Variants in ZNF888 observed in about 807,000 individuals in gnomAD.
ZNF888 encodes the protein CTD-2331H12.6.
A neutral mutation model predicts 7.2 loss-of-function variants in ZNF888; 5 were observed. The observed-to-expected ratio is 0.70, with a 90% CI of 0.36 to 1.46. The LOEUF (loss-of-function observed/expected upper bound fraction) is 1.46, where lower values mean the gene tolerates loss of function less well. ZNF888 is among the 40% of genes most tolerant of loss of function. The probability of loss-of-function intolerance (pLI) is 0.03; values close to 1 mark genes in which losing one functional copy is unlikely to be tolerated. For missense variants in ZNF888, 716 were observed against 858.0 expected, an observed-to-expected ratio of 0.83 and a Z score of 2.07; for synonymous variants, 240 against 284.3, an observed-to-expected ratio of 0.84 and a Z score of 1.57.
rs2064600713 is a variant in ZNF888 at position 52,905,802 on chromosome 19, G to A, written c.*363C>T. ...TGATATTCTGCAAGGAGTGATCTCA[G>A]ACTGAAGACCTTGCCACACTGATGA... On this transcript the variant is annotated 3_prime_UTR_variant, in exon 5 of 5. Coordinates refer to ENST00000638862, the MANE Select transcript of ZNF888 (RefSeq NM_001393938.1). The A allele has an allele frequency of 1.5e-6, 1 of 664,820 alleles. No individual in the cohort carries two copies. The highest frequency in any genetic ancestry group is 2.8e-6 in the Non-Finnish European group (1 of 352,708). The allele number at this position is 664,820 out of a possible 1,614,324, so 41.2% of individuals were successfully genotyped here.
rs1368675473 is a variant in ZNF888 at position 52,918,966 on chromosome 19, C to G, written c.-177-29G>C. On this transcript the variant is annotated intron_variant, in intron 1 of 4. Transcript: ENST00000638862. Reference sequence around the variant, plus strand: ...TTTGAAAAAAAAAAAAAATCTCCCTCTCCCTCCCCCTCCCTCTCCCTCTCC... The same window carrying G: ...TTTGAAAAAAAAAAAAAATCTCCCTGTCCCTCCCCCTCCCTCTCCCTCTCC... 2 of 1,910 alleles carry G rather than the reference C, an allele frequency of 1.0e-3. 1 individual carries two copies. 0.1% of individuals were successfully genotyped at this position (1,910 alleles called of 1,614,324 possible).
intron 4 of ZNF888, among the ~76,000 whole-genome samples, chr19:52,914,760 G>A (rs758312098): frequency 2.6e-5 from 4 of 152,036 alleles, no homozygotes; most frequent in Non-Finnish European, 2.9e-5. Context: ...TTCACCTCCC[G>A]GGTTTGAGTG....
Position 52,907,423 on chromosome 19 carries a change from C to T in ZNF888, c.899G>A (p.Cys300Tyr), listed in dbSNP as rs2064623782. 1 of 1,612,070 alleles carries T rather than the reference C, an allele frequency of 6.2e-7. No individual in the cohort carries two copies. Among genetic ancestry groups the T allele is most frequent in the Admixed American group, 1.7e-5 (1 of 59,842 alleles). ...ACTGAACGTCTTGCCACACTCATTA[C>T]ACTTGTAAGGTTTTTCTCCAGTATG... Reference protein sequence around the residue: ...RRHTGEKPYKCNECGKTFSDK... With the variant: ...RRHTGEKPYKYNECGKTFSDK... The change falls in exon 5 of 5, where the codon TGT becomes TAT. Residue 300 changes from cysteine (C) to tyrosine (Y), a missense_variant. Transcript: ENST00000638862.
Position 52,917,848 on chromosome 19 carries a change from T to C in ZNF888, c.15+11A>G. 6.2e-7 allele frequency: 1 copy of C among 1,613,578 alleles called. No homozygotes were observed. The highest frequency in any genetic ancestry group is 1.1e-5 in the South Asian group (1 of 91,080). On this transcript the variant is annotated intron_variant, in intron 3 of 4. Coordinates refer to ENST00000638862, the MANE Select transcript of ZNF888 (RefSeq NM_001393938.1). ...AGGAGACAGAACAATCCACAGAGAA[T>C]ATCATCTCACCTGAGGAAGAGCCAT...
At chr19:52,915,119 G>T (rs2064728521) in intron 4 of ZNF888, 77 bp downstream of exon 4, 1 of 1,536,236 alleles carries the variant, frequency 6.5e-7, no homozygotes, top group East Asian at 2.4e-5. Flanking sequence ...GTCAAGCAAG[G>T]ATGCAACTCC....
In ZNF888 at chr19:52,906,715, G is replaced by A. The variant is rs2064612852; in HGVS notation, c.1607C>T (p.Ser536Phe). The change falls in exon 5 of 5, where the codon TCT (serine) becomes TTT (phenylalanine). Residue 536 changes from serine to phenylalanine, a missense_variant. Ser to Phe is a radical substitution (Grantham distance 155). Around this residue, in one of 2 missense-constraint regions of ZNF888, gnomAD observed 697 missense variants for 803.4 expected, o/e 0.87. Transcript: ENST00000638862. ...ECGKTFVQNS[S>F]LVMHKVIHTG... Reference sequence around the variant, plus strand: ...ATGAATGACCTTATGCATTACAAGAGATGAATTTTGAACGAAGGTCTTGCC... The same window carrying A: ...ATGAATGACCTTATGCATTACAAGAAATGAATTTTGAACGAAGGTCTTGCC... 2 of 1,607,292 alleles carry A rather than the reference G, an allele frequency of 1.2e-6. No homozygotes were observed. The highest frequency in any genetic ancestry group is 1.7e-6 in the Non-Finnish European group (2 of 1,175,504).
Position 52,906,390 on chromosome 19 carries a change from C to A in ZNF888, c.1932G>T (p.Gly644=). ...GATGTTGTGCAAGGTATGAATCACGCCCAAAAGCCTTGTCGCAAACCCTAC... is the reference window on the plus strand; with the variant it reads ...GATGTTGTGCAAGGTATGAATCACGACCAAAAGCCTTGTCGCAAACCCTAC... ...YKCRVCDKAF[G]RDSYLAQHQR... Residue 644 remains glycine, a synonymous_variant, in exon 5 of 5, where the codon GGG becomes GGT. Coordinates refer to ENST00000638862, the MANE Select transcript of ZNF888 (RefSeq NM_001393938.1). The A allele has an allele frequency of 3.1e-6, 5 of 1,612,360 alleles. No homozygotes were observed. Among genetic ancestry groups the A allele is most frequent in the Non-Finnish European group, 4.2e-6 (5 of 1,179,252 alleles).
chr19:52,906,256 G>C lies in ZNF888; in HGVS notation c.2066C>G (p.Pro689Arg), dbSNP rs1253240356. ...QHTRIHTGEK[P>R]FKCSECGKAF... The stretch of plus-strand genomic sequence containing the variant: ...TTTGCCACACTCACTACACTTGAAA[G>C]GTTTCTCTCCAGTATGAATTCTAGT... Residue 689 changes from proline (P) to arginine (R), a missense_variant, in exon 5 of 5, where the codon CCT becomes CGT. By Grantham distance (103) the Pro-to-Arg change is moderately radical. Around this residue, in one of 2 missense-constraint regions of ZNF888, gnomAD observed 697 missense variants for 803.4 expected, o/e 0.87. Transcript: ENST00000638862. 9 of 1,611,674 alleles carry C rather than the reference G, an allele frequency of 5.6e-6. No homozygotes were observed. The highest frequency in any genetic ancestry group is 7.6e-6 in the Non-Finnish European group (9 of 1,178,654).
At position 52,906,639 on chromosome 19, in the gene ZNF888, G is replaced by A; in HGVS notation, c.1683C>T (p.His561=). The change falls in exon 5 of 5, where the codon CAC becomes CAT. Residue 561 remains histidine (H), a synonymous_variant. Transcript: ENST00000638862. ...KCNECGKSFN[H]KSSLAYHHRL... Reference sequence around the variant, plus strand: ...TATGATGATATGCAAGGCTTGATTTGTGATTAAAACTTTTGCCACATTCAT... The same window carrying A: ...TATGATGATATGCAAGGCTTGATTTATGATTAAAACTTTTGCCACATTCAT... The A allele has an allele frequency of 6.2e-7, 1 of 1,611,758 alleles. No individual in the cohort carries two copies. The highest frequency in any genetic ancestry group is 1.1e-5 in the South Asian group (1 of 90,958).
At chr19:52,913,571 G>A (rs541782864) in intron 4 of ZNF888, among the ~76,000 whole-genome samples, 8 of 152,130 alleles carry the variant, frequency 5.3e-5, no homozygotes, top group Admixed American at 1.3e-4. Context: ...ATCCGCCCCC[G>A]GCTCAGCCTC....
intron 2 of ZNF888, 78 bp downstream of exon 2, chr19:52,918,741 G>A (rs1322987225): frequency 1.3e-5 from 2 of 151,926 alleles, no homozygotes; most frequent in Admixed American, 1.3e-4. Context: ...ACTCCAGCGT[G>A]AGTGACAGAA....
At position 52,907,501 on chromosome 19, in the gene ZNF888, TTA is replaced by T; in HGVS notation, c.819_820del (p.Asn273LysfsTer7). ...TTTTTTATTAAAAACCTTGCCACAT[TTA>T]TTACACATGTAAGGTTTCTCACCAG... On this transcript the variant is annotated frameshift_variant, in exon 5 of 5. Coordinates refer to ENST00000638862, the MANE Select transcript of ZNF888 (RefSeq NM_001393938.1). LOFTEE classifies it low-confidence loss of function (END_TRUNC). 1 of 1,605,430 alleles carries T rather than the reference TTA, an allele frequency of 6.2e-7. No homozygotes were observed. The highest frequency in any genetic ancestry group is 8.5e-7 in the Non-Finnish European group (1 of 1,176,608).
At position 52,907,118 on chromosome 19, in the gene ZNF888, C is replaced by T; in HGVS notation, c.1204G>A (p.Val402Ile). 6.2e-7 allele frequency: 1 copy of T among 1,608,346 alleles called. No individual in the cohort carries two copies. Among genetic ancestry groups the T allele is most frequent in the Non-Finnish European group, 8.5e-7 (1 of 1,178,574 alleles). Residue 402 changes from valine (V) to isoleucine (I), a missense_variant, in exon 5 of 5, where the codon GTA becomes ATA. Coordinates refer to ENST00000638862, the MANE Select transcript of ZNF888 (RefSeq NM_001393938.1). The stretch of plus-strand genomic sequence containing the variant: ...TAAGGTTTCTCTCTAGTGTGAATTA[C>T]AATATGCTGTGCCAGGTGTGAATCA... Reference protein sequence around the residue: ...RHDSHLAQHIVIHTREKPYKC... With the variant: ...RHDSHLAQHIIIHTREKPYKC...
At position 52,915,259 on chromosome 19, in the gene ZNF888, G is replaced by C. The variant is rs746137705; in HGVS notation, c.79C>G (p.Pro27Ala). 1.9e-6 allele frequency: 3 copies of C among 1,612,482 alleles called. No individual in the cohort carries two copies. The highest frequency in any genetic ancestry group is 1.7e-5 in the Admixed American group (1 of 59,462). Residue 27 changes from proline to alanine, a missense_variant, in exon 4 of 5, where the codon CCT becomes GCT. This residue lies in a region of ZNF888 where 19 missense variants were observed against 54.7 expected (regional missense o/e 0.35). Coordinates refer to ENST00000638862, the MANE Select transcript of ZNF888 (RefSeq NM_001393938.1). ...TCTCTGTATAGAGTCCTCTGAGCAG[G>C]GTCCAGGCATTTCCACTCCTCCTGA... ...FSQEEWKCLDPAQRTLYRDVM... is the reference protein window; with the variant it reads ...FSQEEWKCLDAAQRTLYRDVM...
intron 3 of ZNF888, among the ~76,000 whole-genome samples, chr19:52,916,625 T>TATATATATATATATATAC (rs1568747397): frequency 4.0e-5 from 5 of 123,826 alleles, no homozygotes; most frequent in African/African-American, 1.5e-4. Flanking sequence ...CATATATATA[T>TATATATATATATATATAC]ATATATATAT....
chr19:52,906,257 G>T lies in ZNF888; in HGVS notation c.2065C>A (p.Pro689Thr), dbSNP rs2064606174. 1.2e-6 allele frequency: 2 copies of T among 1,611,804 alleles called. No individual in the cohort carries two copies. Among genetic ancestry groups the T allele is most frequent in the South Asian group, 1.1e-5 (1 of 90,758 alleles). Reference sequence around the variant, plus strand: ...TTGCCACACTCACTACACTTGAAAGGTTTCTCTCCAGTATGAATTCTAGTA... The same window carrying T: ...TTGCCACACTCACTACACTTGAAAGTTTTCTCTCCAGTATGAATTCTAGTA... Reference protein sequence around the residue: ...QHTRIHTGEKPFKCSECGKAF... With the variant: ...QHTRIHTGEKTFKCSECGKAF... The change falls in exon 5 of 5, where the codon CCT becomes ACT. Residue 689 changes from proline to threonine, a missense_variant. By Grantham distance (38) the Pro-to-Thr change is conservative. This residue lies in a region of ZNF888 where 697 missense variants were observed against 803.4 expected (regional missense o/e 0.87). Coordinates refer to ENST00000638862, the MANE Select transcript of ZNF888 (RefSeq NM_001393938.1).
chr19:52,923,247 A>G, intron 1 of ZNF888, 122 bp downstream of exon 1: 1 of 969,360 alleles, frequency 1.0e-6, no homozygotes, highest in Non-Finnish European at 1.2e-6. Context: ...GAATGTCTCC[A>G]TTTGCTCTTG....
chr19:52,908,601 T>C (rs1042212488), intron 4 of ZNF888, among the ~76,000 whole-genome samples: 5 of 152,128 alleles, frequency 3.3e-5, no homozygotes, highest in African/African-American at 1.2e-4. Context: ...TGGTAAATAA[T>C]CAACAACAAG....
intron 1 of ZNF888, among the ~76,000 whole-genome samples, chr19:52,919,478 G>A (rs2064795863): frequency 1.4e-5 from 1 of 70,174 alleles, no homozygotes; most frequent in Non-Finnish European, 3.4e-5. Flanking sequence ...TGCCCAGGCT[G>A]GAGTGCAGTG....
Sources: allele counts gnomAD v4.1 joint callset (sites outside exome capture counted in the v4.1 genomes callset), GRCh38; gene constraint gnomAD v4.1.1; regional missense constraint gnomAD v4.1.1; transcripts MANE v1.5; gene names NCBI Gene and HGNC (gene_info 2026-07-23, HGNC 2026-07-21).